The following FBP2 variants were observed in gnomAD, a reference collection of about 807,000 sequenced individuals.
The protein encoded by FBP2 is fructose-1,6-bisphosphatase isozyme 2.
A neutral mutation model predicts 31.6 loss-of-function variants in FBP2; 27 were observed. The ratio of observed to expected loss-of-function variants is 0.85; its 90% CI spans 0.63 to 1.18. FBP2 has a LOEUF of 1.18. Ranked by LOEUF, FBP2 falls within the 50% of genes most tolerant of loss-of-function variation. The pLI, the probability that FBP2 is intolerant of heterozygous loss-of-function variation, is 0.00. For synonymous variants in FBP2, 168 were observed against 179.8 expected (o/e 0.93, Z 0.53); for missense variants, 421 against 436.1 (o/e 0.97, Z 0.31).
intron 2 of FBP2, 113 bp from the exon 3 acceptor site, chr9:94,584,782 C>A: frequency 1.5e-6 from 1 of 680,106 alleles, no homozygotes; most frequent in East Asian, 2.7e-5. Context: ...GATTGAGAAC[C>A]ACAGCATATC....
intron 6 of FBP2, among the ~76,000 whole-genome samples, chr9:94,561,352 A>ATTTTTTTTTTTTTTTTTTTTTTTTTTTT: frequency 1.8e-5 from 1 of 54,970 alleles, no homozygotes; most frequent in Non-Finnish European, 3.1e-5. Context: ...TGTGACCTGT[A>ATTTTTTTTTTTTTTTTTTTTTTTTTTTT]TTTTTTTTTT....
chr9:94,584,774 T>C (rs1164910794), intron 2 of FBP2, 105 bp from the exon 3 acceptor site: 5 of 713,232 alleles, frequency 7.0e-6, no homozygotes, highest in Non-Finnish European at 1.3e-5. Flanking sequence ...CAAAAAGAGA[T>C]TGAGAACCAC....
intron 5 of FBP2, among the ~76,000 whole-genome samples, chr9:94,566,510 C>G (rs1827192054): frequency 6.6e-6 from 1 of 152,224 alleles, no homozygotes; most frequent in African/African-American, 2.4e-5. Flanking sequence ...AATCGAATAT[C>G]TATAGAAACA....
Position 94,593,547 on chromosome 9 carries a change from C to G in FBP2, c.170+10G>C. On this transcript the variant is annotated intron_variant, in intron 1 of 6. Coordinates refer to ENST00000375337, the MANE Select transcript of FBP2 (RefSeq NM_003837.4). ...TGCTCTGTGCCCCATGCCTGCTCCC[C>G]AGGACTCACAGGTGGGCCAGACCGG... 1 of 1,611,646 alleles carries G rather than the reference C, an allele frequency of 6.2e-7. No homozygotes were observed. Among genetic ancestry groups the G allele is most frequent in the Non-Finnish European group, 8.5e-7 (1 of 1,179,056 alleles).
chr9:94,563,427 C>T lies in FBP2; in HGVS notation c.740G>A (p.Gly247Asp). Residue 247 changes from glycine to aspartate, a missense_variant, in exon 6 of 7, where the codon GGC (glycine) becomes GAC (aspartate). Gly to Asp is a moderately conservative substitution (Grantham distance 94). Transcript: ENST00000375337. ...GSAPYGARYVGSMVADVHRTL... is the reference protein window; with the variant it reads ...GSAPYGARYVDSMVADVHRTL... ...GCGGTGCACGTCAGCCACCATGGAG[C>T]CCACATACCTGGCCCCATAGGGAGC... 11 of 1,613,976 alleles carry T rather than the reference C, an allele frequency of 6.8e-6. No homozygotes were observed. The highest frequency in any genetic ancestry group is 2.2e-5 in the South Asian group (2 of 91,060).
chr9:94,578,000 G>A (rs565401614), intron 3 of FBP2, among the ~76,000 whole-genome samples: 3 of 152,264 alleles, frequency 2.0e-5, no homozygotes, highest in Admixed American at 6.5e-5. Flanking sequence ...TTCCAAGTTC[G>A]CATGAATCTT....
intron 3 of FBP2, among the ~76,000 whole-genome samples, chr9:94,579,430 T>G (rs1043440706): frequency 1.4e-5 from 2 of 146,712 alleles, no homozygotes; most frequent in African/African-American, 5.0e-5. Context: ...AGTTGTATGG[T>G]AAATTCTTGT....
At chr9:94,591,099 G>A (rs1827495251) in intron 1 of FBP2, among the ~76,000 whole-genome samples, 2 of 152,176 alleles carry the variant, frequency 1.3e-5, no homozygotes, top group Admixed American at 6.5e-5. Context: ...ATCCCGCACC[G>A]GGGCTGCAGG....
intron 3 of FBP2, among the ~76,000 whole-genome samples, chr9:94,575,897 C>A (rs1317690548): frequency 1.3e-5 from 2 of 152,184 alleles, no homozygotes; most frequent in African/African-American, 4.8e-5. Context: ...TTTTTCCCTT[C>A]TCTTGGGTTT....
intron 6 of FBP2, among the ~76,000 whole-genome samples, chr9:94,559,831 T>C (rs1827067961): frequency 6.6e-6 from 1 of 152,108 alleles, no homozygotes; most frequent in Non-Finnish European, 1.5e-5. Context: ...ATCTGTATTC[T>C]CAGTAGTGCC....
chr9:94,593,076 G>C (rs545958186), intron 1 of FBP2, among the ~76,000 whole-genome samples: 1 of 152,220 alleles, frequency 6.6e-6, no homozygotes, highest in Non-Finnish European at 1.5e-5. Flanking sequence ...TCCTTTAGAT[G>C]ATGAGAGAGC....
At chr9:94,584,126 G>A (rs1827400302) in intron 3 of FBP2, among the ~76,000 whole-genome samples, 1 of 152,174 alleles carries the variant, frequency 6.6e-6, no homozygotes, top group African/African-American at 2.4e-5. Flanking sequence ...GGTGTACTCA[G>A]GGGTTCAGAT....
At chr9:94,567,694 T>C in intron 4 of FBP2, 1 of 350,492 alleles carries the variant, frequency 2.9e-6, no homozygotes, top group Non-Finnish European at 5.2e-6. Context: ...CCACTGTCAG[T>C]GAGGCTCCTC....
chr9:94,586,025 C>T (rs1239193979), intron 2 of FBP2, among the ~76,000 whole-genome samples: 1 of 152,156 alleles, frequency 6.6e-6, no homozygotes, highest in African/African-American at 2.4e-5. Context: ...TGAGCCACCG[C>T]GCCCATCCTA....
chr9:94,582,704 C>T lies in FBP2; in HGVS notation c.426+1873G>A, dbSNP rs368883857. Among the ~76,000 whole-genome samples the T allele has an allele frequency of 4.6e-4, 70 of 151,278 alleles. 1 individual carries two copies. In the East Asian group the frequency reaches 5.8e-3, roughly 13 times the overall value. ...CTGGGACTACAGGCACCCACCACCA[C>T]GCCCGGCTAATTTTTTTGTATTTTT... is the stretch of plus-strand genomic sequence containing the variant. On this transcript the variant is annotated intron_variant, in intron 3 of 6. Transcript: ENST00000375337.
intron 1 of FBP2, among the ~76,000 whole-genome samples, chr9:94,591,560 C>T (rs1000438182): frequency 2.6e-5 from 4 of 152,192 alleles, no homozygotes; most frequent in African/African-American, 9.6e-5. Context: ...GGAGTGGGCT[C>T]CAGCCTTGGC....
At chr9:94,562,180 G>A (rs1043609397) in intron 6 of FBP2, among the ~76,000 whole-genome samples, 14 of 151,848 alleles carry the variant, frequency 9.2e-5, no homozygotes, top group South Asian at 4.2e-4. Flanking sequence ...GCGTGGTGGC[G>A]GGCGCCTGTA....
At chr9:94,579,050 C>CTAAAAA (rs1564185204) in intron 3 of FBP2, among the ~76,000 whole-genome samples, 1 of 30,606 alleles carries the variant, frequency 3.3e-5, no homozygotes, top group Non-Finnish European at 5.1e-5. Flanking sequence ...GAGACTCTGT[C>CTAAAAA]AAAAAAAAAA....
chr9:94,588,712 ACACCAGCAGGAGGGGTC>A (rs1827457157), intron 1 of FBP2, among the ~76,000 whole-genome samples: 1 of 151,912 alleles, frequency 6.6e-6, no homozygotes, highest in Admixed American at 6.5e-5. Flanking sequence ...GGTTCTCAAC[ACACCAGCAGGAGGGGTC>A]CTCCTAAAGT....
Sources: allele counts gnomAD v4.1 joint callset (sites outside exome capture counted in the v4.1 genomes callset), GRCh38; gene constraint gnomAD v4.1.1; transcripts MANE v1.5; gene names NCBI Gene and HGNC (gene_info 2026-07-23, HGNC 2026-07-21).